Variants in XIRP2 observed in about 807,000 individuals in gnomAD.
XIRP2 encodes the protein xin actin-binding repeat-containing protein 2.
Under a neutral mutation model 277.0 loss-of-function variants are expected in XIRP2, and 236 were observed. That is an observed-to-expected ratio of 0.85 (90% CI 0.77 to 0.95). The LOEUF is 0.95. XIRP2 is among the 40% of genes least tolerant of loss of function. The pLI is 0.00. For missense variants in XIRP2, 4,640 were observed against 4,157.5 expected (o/e 1.12, Z -3.19); for synonymous variants, 1,490 against 1,416.5 (o/e 1.05, Z -1.17).
At chr2:167,159,553 A>C (rs1013023806) in intron 3 of XIRP2, among the ~76,000 whole-genome samples, 27 of 152,190 alleles carry the variant, frequency 1.8e-4, no homozygotes, top group African/African-American at 5.8e-4. Flanking sequence ...TAAAACTTAT[A>C]ATCTGGTCAT....
intron 2 of XIRP2, among the ~76,000 whole-genome samples, chr2:166,909,912 A>AT (rs1684650661): frequency 6.6e-6 from 1 of 152,196 alleles, no homozygotes; most frequent in African/African-American, 2.4e-5. Context: ...GCTGGATTAC[A>AT]TTTACTGATT....
chr2:167,168,638 G>A (rs1004107157), intron 3 of XIRP2, among the ~76,000 whole-genome samples: 1 of 151,908 alleles, frequency 6.6e-6, no homozygotes, highest in Non-Finnish European at 1.5e-5. Context: ...TTTTTGAGAC[G>A]GAGTCTCGCT....
chr2:167,082,249 T>C (rs1689759411), intron 2 of XIRP2, among the ~76,000 whole-genome samples: 1 of 152,188 alleles, frequency 6.6e-6, no homozygotes, highest in South Asian at 2.1e-4. Flanking sequence ...TCCAATTTCA[T>C]CCATGTCCCT....
In XIRP2 at chr2:167,244,042, A is replaced by T; in HGVS notation, c.2650A>T (p.Ile884Phe). ...TTKHLFETLP[I>F]EALKDSPDIG... The stretch of plus-strand genomic sequence containing the variant: ...TAAGCATCTATTTGAAACACTTCCA[A>T]TTGAAGCATTAAAAGACAGTCCTGA... Residue 884 changes from isoleucine (I) to phenylalanine (F), a missense_variant, in exon 9 of 11, where the codon ATT becomes TTT. Ile to Phe is a conservative substitution (Grantham distance 21). Coordinates refer to ENST00000409195, the MANE Select transcript of XIRP2 (RefSeq NM_152381.6). 6.2e-7 allele frequency: 1 copy of T among 1,613,942 alleles called. No individual in the cohort carries two copies. The highest frequency in any genetic ancestry group is 8.5e-7 in the Non-Finnish European group (1 of 1,179,916).
intron 2 of XIRP2, among the ~76,000 whole-genome samples, chr2:167,118,114 CTTGAGAGGTGTGGCCTT>C (rs1174612866): frequency 5.3e-5 from 8 of 152,150 alleles, no homozygotes; most frequent in African/African-American, 1.7e-4. Flanking sequence ...ATGCAATAGT[CTTGAGAGGTGTGGCCTT>C]TTGAGAGGTG....
chr2:166,942,820 A>T (rs550560920), intron 2 of XIRP2, among the ~76,000 whole-genome samples: 78 of 152,324 alleles, frequency 5.1e-4, no homozygotes, highest in Non-Finnish European at 8.2e-4. Context: ...GACTGTTTTG[A>T]ATTTTAAACT....
chr2:167,038,972 A>T lies in XIRP2; in HGVS notation c.409-96937A>T, dbSNP rs1431372787. On this transcript the variant is annotated intron_variant, in intron 2 of 10. Transcript: ENST00000409195. ...TTTCTATTCATAACTGACAAGCAAA[A>T]CAGCTGACCACACCAAACTGTTTTT... Among the ~76,000 whole-genome samples the T allele has an allele frequency of 2.6e-5, 4 of 152,150 alleles. 1 individual carries two copies. The highest frequency in any genetic ancestry group is 7.2e-5 in the African/African-American group (3 of 41,462).
intron 2 of XIRP2, among the ~76,000 whole-genome samples, chr2:167,091,988 T>C (rs1183731502): frequency 6.6e-6 from 1 of 152,142 alleles, no homozygotes; most frequent in Admixed American, 6.5e-5. Context: ...ACACCAAATG[T>C]GATTGTGTTG....
intron 3 of XIRP2, among the ~76,000 whole-genome samples, chr2:167,145,903 C>A (rs937185948): frequency 8.6e-5 from 13 of 152,044 alleles, no homozygotes; most frequent in Non-Finnish European, 1.9e-4. Context: ...CCAAAATTTA[C>A]AAACACACAG....
chr2:167,121,701 A>T (rs182528878), intron 2 of XIRP2, among the ~76,000 whole-genome samples: 37 of 152,294 alleles, frequency 2.4e-4, no homozygotes, highest in Non-Finnish European at 4.4e-4. Context: ...CAAGTTGCAG[A>T]ATTTTATTCT....
intron 2 of XIRP2, among the ~76,000 whole-genome samples, chr2:167,062,611 A>C (rs1689199503): frequency 6.6e-6 from 1 of 152,158 alleles, no homozygotes; most frequent in South Asian, 2.1e-4. Context: ...TGTAATCTTT[A>C]ATGGAATTTC....
At chr2:166,964,310 T>C (rs547655296) in intron 2 of XIRP2, among the ~76,000 whole-genome samples, 1 of 151,926 alleles carries the variant, frequency 6.6e-6, no homozygotes. Context: ...GCAAATTGTG[T>C]TTTCTCATAA....
At chr2:167,210,085 A>T (rs1215721612) in intron 3 of XIRP2, among the ~76,000 whole-genome samples, 2 of 152,164 alleles carry the variant, frequency 1.3e-5, no homozygotes, top group African/African-American at 4.8e-5. Flanking sequence ...AGCTGTTTCT[A>T]ATGATACTAT....
intron 2 of XIRP2, among the ~76,000 whole-genome samples, chr2:166,974,782 C>A (rs1428157428): frequency 6.6e-6 from 1 of 151,778 alleles, no homozygotes; most frequent in Non-Finnish European, 1.5e-5. Context: ...ATACTTAAAT[C>A]CAAGCATATC....
chr2:167,115,048 T>G (rs1248480135), intron 2 of XIRP2, among the ~76,000 whole-genome samples: 4 of 152,200 alleles, frequency 2.6e-5, no homozygotes, highest in African/African-American at 9.6e-5. Context: ...TGAACTAGTT[T>G]ACAGTCCCAC....
intron 2 of XIRP2, among the ~76,000 whole-genome samples, chr2:167,078,311 T>G (rs1446725890): frequency 6.6e-6 from 1 of 152,206 alleles, no homozygotes; most frequent in Non-Finnish European, 1.5e-5. Context: ...TGCTGCAGAT[T>G]TTTGTACATT....
chr2:166,913,195 C>A (rs142824964), intron 2 of XIRP2, among the ~76,000 whole-genome samples: 1 of 152,184 alleles, frequency 6.6e-6, no homozygotes, highest in Admixed American at 6.5e-5. Context: ...ATGCTTTGCC[C>A]CCCAGAGGTG....
chr2:167,195,388 A>G (rs16853195), intron 3 of XIRP2, among the ~76,000 whole-genome samples: 15,848 of 152,148 alleles, frequency 0.1, 1,696 homozygotes, highest in African/African-American at 0.28. Flanking sequence ...CTCTCAATAT[A>G]TTCTCTCTGA....
chr2:166,917,294 A>G (rs372106758), intron 2 of XIRP2, among the ~76,000 whole-genome samples: 3 of 152,154 alleles, frequency 2.0e-5, no homozygotes, highest in East Asian at 3.9e-4. Flanking sequence ...TTGTTCAATT[A>G]TAGTTTTCAA....
Sources: gnomAD v4.1 joint callset for allele counts (sites outside exome capture counted in the v4.1 genomes callset) on GRCh38, gnomAD v4.1.1 for gene constraint, MANE v1.5 for transcripts, NCBI Gene and HGNC (gene_info 2026-07-23, HGNC 2026-07-21) for gene names.